CSMD1: variants seen among roughly 807,000 people sequenced by gnomAD.
CSMD1 encodes the protein CUB and sushi domain-containing protein 1.
Under a neutral mutation model 417.5 loss-of-function variants are expected in CSMD1, and 213 were observed. The ratio of observed to expected loss-of-function variants is 0.51; its 90% CI spans 0.46 to 0.57. CSMD1 has a LOEUF of 0.57. CSMD1 is among the 20% of genes least tolerant of loss of function. The probability of loss-of-function intolerance (pLI) is 0.00; values close to 1 mark genes in which losing one functional copy is unlikely to be tolerated. For missense variants in CSMD1, 6,923 were observed against 4,529.7 expected, an observed-to-expected ratio of 1.53 and a Z score of -15.17; for synonymous variants, 2,862 against 1,736.8, an observed-to-expected ratio of 1.65 and a Z score of -16.11.
At chr8:3,865,749 G>A (rs1040183229) in intron 5 of CSMD1, among the ~76,000 whole-genome samples, 33 of 152,152 alleles carry the variant, frequency 2.2e-4, no homozygotes, top group Non-Finnish European at 8.8e-5. Flanking sequence ...TGCTAATGGA[G>A]TAATGCTATT....
chr8:4,198,609 C>A (rs1014286977), intron 3 of CSMD1, among the ~76,000 whole-genome samples: 1 of 152,152 alleles, frequency 6.6e-6, no homozygotes, highest in African/African-American at 2.4e-5. Flanking sequence ...CGTAATGAGT[C>A]TTTAAGCATA....
At chr8:3,581,354 A>T (rs1267676592) in intron 9 of CSMD1, among the ~76,000 whole-genome samples, 1 of 152,216 alleles carries the variant, frequency 6.6e-6, no homozygotes, top group Non-Finnish European at 1.5e-5. Flanking sequence ...ATTCCAAACA[A>T]AATCACTTGT....
At chr8:4,847,423 T>A (rs1397556012) in intron 1 of CSMD1, among the ~76,000 whole-genome samples, 2 of 152,172 alleles carry the variant, frequency 1.3e-5, no homozygotes, top group African/African-American at 4.8e-5. Context: ...TCAAACACTT[T>A]TGGATTTACA....
intron 7 of CSMD1, among the ~76,000 whole-genome samples, chr8:3,617,982 C>T (rs1363794077): frequency 6.6e-6 from 1 of 152,062 alleles, no homozygotes; most frequent in Non-Finnish European, 1.5e-5. Flanking sequence ...ATAAAAACAA[C>T]AGTAATCATA....
intron 10 of CSMD1, among the ~76,000 whole-genome samples, chr8:3,573,781 T>C (rs568532362): frequency 6.6e-5 from 10 of 151,994 alleles, no homozygotes; most frequent in Non-Finnish European, 1.0e-4. Context: ...AACTCAATAA[T>C]TGGTAAATAG....
chr8:3,905,848 C>T (rs935078644), intron 5 of CSMD1, among the ~76,000 whole-genome samples: 11 of 152,146 alleles, frequency 7.2e-5, no homozygotes, highest in African/African-American at 1.7e-4. Flanking sequence ...TAGTTCCTTC[C>T]GGACTGTGGA....
intron 1 of CSMD1, among the ~76,000 whole-genome samples, chr8:4,993,552 G>T (rs1427010945): frequency 6.6e-6 from 1 of 152,140 alleles, no homozygotes; most frequent in African/African-American, 2.4e-5. Context: ...CAAGCTCACA[G>T]AGCCCCAAGC....
intron 5 of CSMD1, among the ~76,000 whole-genome samples, chr8:3,788,525 C>T (rs2623672): frequency 0.084 from 12,752 of 152,158 alleles, 755 homozygotes; most frequent in East Asian, 0.24. Context: ...CTTCATCTCA[C>T]CTCAGATATT....
At chr8:3,027,698 G>C (rs1246341744) in intron 51 of CSMD1, among the ~76,000 whole-genome samples, 1 of 152,132 alleles carries the variant, frequency 6.6e-6, no homozygotes, top group Non-Finnish European at 1.5e-5. Flanking sequence ...GATGATAAAT[G>C]ATGTGTGGGG....
intron 3 of CSMD1, among the ~76,000 whole-genome samples, chr8:4,280,757 T>G (rs1554517118): frequency 2.0e-5 from 3 of 152,232 alleles, no homozygotes; most frequent in Non-Finnish European, 4.4e-5. Flanking sequence ...CCCATATTTT[T>G]AAAAACATGT....
intron 26 of CSMD1, among the ~76,000 whole-genome samples, chr8:3,281,818 C>T (rs995712811): frequency 6.6e-6 from 1 of 152,082 alleles, no homozygotes; most frequent in Non-Finnish European, 1.5e-5. Context: ...ATTGTAATCC[C>T]CACTGTTGGA....
At chr8:3,947,142 G>A (rs929883221) in intron 5 of CSMD1, among the ~76,000 whole-genome samples, 1 of 152,162 alleles carries the variant, frequency 6.6e-6, no homozygotes, top group Non-Finnish European at 1.5e-5. Context: ...TCATCATTAA[G>A]TAAGAAATTA....
intron 10 of CSMD1, among the ~76,000 whole-genome samples, chr8:3,569,100 A>T (rs913156706): frequency 6.6e-6 from 1 of 152,186 alleles, no homozygotes; most frequent in Non-Finnish European, 1.5e-5. Context: ...TTCTACCAGA[A>T]TACCCTGGTA....
At chr8:3,424,373 C>T (rs777902394) in intron 12 of CSMD1, among the ~76,000 whole-genome samples, 2 of 152,174 alleles carry the variant, frequency 1.3e-5, no homozygotes, top group African/African-American at 2.4e-5. Context: ...ATAGTTCGCA[C>T]ATTGCCCAGT....
At chr8:4,748,425 G>A (rs1811092702) in intron 1 of CSMD1, among the ~76,000 whole-genome samples, 1 of 152,196 alleles carries the variant, frequency 6.6e-6, no homozygotes, top group African/African-American at 2.4e-5. Context: ...TTTATTTGCT[G>A]CTGCAGTATC....
chr8:3,842,831 G>T (rs998763985), intron 5 of CSMD1, among the ~76,000 whole-genome samples: 4 of 152,118 alleles, frequency 2.6e-5, no homozygotes, highest in African/African-American at 9.7e-5. Context: ...ATTAGCAGAT[G>T]GCTGCTACAA....
chr8:3,353,387 C>A (rs961652423), intron 21 of CSMD1, among the ~76,000 whole-genome samples: 3 of 152,220 alleles, frequency 2.0e-5, no homozygotes, highest in Non-Finnish European at 2.9e-5. Context: ...CCCTACCTTT[C>A]TGACCAAGAT....
chr8:4,794,215 T>A (rs1797852592), intron 1 of CSMD1, among the ~76,000 whole-genome samples: 1 of 142,798 alleles, frequency 7.0e-6, no homozygotes, highest in South Asian at 2.3e-4. Context: ...GTCACTTGGA[T>A]CATTTTTATC....
At chr8:4,210,354 C>T (rs1800233171) in intron 3 of CSMD1, among the ~76,000 whole-genome samples, 1 of 152,092 alleles carries the variant, frequency 6.6e-6, no homozygotes, top group African/African-American at 2.4e-5. Context: ...TGTATGATAC[C>T]AACTTTGAGA....
Sources: gnomAD v4.1 joint callset for allele counts (sites outside exome capture counted in the v4.1 genomes callset) on GRCh38, gnomAD v4.1.1 for gene constraint, MANE v1.5 for transcripts, NCBI Gene and HGNC (gene_info 2026-07-23, HGNC 2026-07-21) for gene names.